DIAPH1: variants seen among roughly 807,000 people sequenced by gnomAD.
DIAPH1 encodes protein diaphanous homolog 1.
Under a neutral mutation model 140.7 loss-of-function variants are expected in DIAPH1, and 46 were observed. The observed-to-expected ratio is 0.33, with a 90% CI of 0.26 to 0.42. The LOEUF is 0.42. Ranked by LOEUF, DIAPH1 falls within the 10% of genes least tolerant of loss-of-function variation. DIAPH1 has a pLI of 1.00. For synonymous variants in DIAPH1, 565 were observed against 551.6 expected, an observed-to-expected ratio of 1.02 and a Z score of -0.34; for missense variants, 1,310 against 1,558.7, an observed-to-expected ratio of 0.84 and a Z score of 2.69.
rs777873912 is a variant in DIAPH1 at position 141,578,568 on chromosome 5, G to A, written c.991C>T (p.Arg331Ter). The A allele has an allele frequency of 3.1e-6, 5 of 1,613,772 alleles. No individual in the cohort carries two copies. Among genetic ancestry groups the A allele is most frequent in the Admixed American group, 1.7e-5 (1 of 59,996 alleles). ...LITPAEELDFRVHIRSELMRL... is the reference protein window; with the variant it reads ...LITPAEELDF ...ATCAGTTCACTTCTGATGTGAACTC[G>A]GAAGTCAAGTTCCTCCGCTGGTGTG... Residue 331 changes from arginine (R) to a stop codon, truncating the protein, a stop_gained, in exon 10 of 28, where the codon CGA (arginine) becomes TGA (stop). Transcript: ENST00000389054. LOFTEE classifies it high-confidence loss of function.
At chr5:141,588,197 T>C (rs1203875718) in intron 2 of DIAPH1, 27 bp downstream of exon 2, 16 of 1,597,912 alleles carry the variant, frequency 1.0e-5, no homozygotes, top group East Asian at 8.9e-5. Flanking sequence ...AGCTAGAACA[T>C]GCACATGCTA....
chr5:141,543,123 CA>C (rs566526373), intron 18 of DIAPH1, among the ~76,000 whole-genome samples: 24 of 150,822 alleles, frequency 1.6e-4, no homozygotes, highest in Non-Finnish European at 2.4e-4. Flanking sequence ...TTATAATAGC[CA>C]AAAAGTGGAA....
chr5:141,581,812 T>G (rs1226718193), intron 7 of DIAPH1: 2 of 153,674 alleles, frequency 1.3e-5, no homozygotes, highest in Non-Finnish European at 2.9e-5. Context: ...CCCAGCACTT[T>G]GGGAGGCCAA....
chr5:141,564,885 G>A (rs1198932454), intron 18 of DIAPH1: 1 of 152,170 alleles, frequency 6.6e-6, no homozygotes, highest in East Asian at 1.9e-4. Flanking sequence ...AATCTTATTA[G>A]TGGTCAGACT....
chr5:141,584,537 C>T (rs562989105), intron 3 of DIAPH1, among the ~76,000 whole-genome samples: 1 of 152,250 alleles, frequency 6.6e-6, no homozygotes, highest in South Asian at 2.1e-4. Context: ...CTTTCTGCAT[C>T]AAGGATGGAC....
At chr5:141,564,152 C>A (rs998361798) in intron 18 of DIAPH1, 3 of 152,182 alleles carry the variant, frequency 2.0e-5, no homozygotes, top group African/African-American at 7.2e-5. Flanking sequence ...CCAAAAAGAA[C>A]ACGAATATTG....
In DIAPH1 at chr5:141,516,704, G is replaced by T; in HGVS notation, c.*147C>A. On this transcript the variant is annotated 3_prime_UTR_variant, in exon 28 of 28. Coordinates refer to ENST00000389054, the MANE Select transcript of DIAPH1 (RefSeq NM_005219.5). ...CAGCTGAAGCTGTATGTGATGTTGA[G>T]AGAGCAGCAGGCCAGAGAGAAAGAC... 1 of 871,216 alleles carries T rather than the reference G, an allele frequency of 1.1e-6. No homozygotes were observed. The highest frequency in any genetic ancestry group is 1.8e-6 in the Non-Finnish European group (1 of 544,774). 54.0% of individuals were successfully genotyped at this position (871,216 alleles called of 1,614,324 possible).
At chr5:141,537,222 G>A (rs1189926161) in intron 18 of DIAPH1, among the ~76,000 whole-genome samples, 3 of 152,098 alleles carry the variant, frequency 2.0e-5, no homozygotes, top group Admixed American at 6.6e-5. Context: ...GGTGGCTCAT[G>A]CTTGTAATCC....
chr5:141,519,731 G>GT (rs2099886229), intron 27 of DIAPH1, among the ~76,000 whole-genome samples: 1 of 152,184 alleles, frequency 6.6e-6, no homozygotes, highest in Non-Finnish European at 1.5e-5. Flanking sequence ...TTGGCCTAAG[G>GT]TCAGGGGATG....
At chr5:141,575,401 C>T (rs1486139840) in intron 14 of DIAPH1, among the ~76,000 whole-genome samples, 1 of 152,200 alleles carries the variant, frequency 6.6e-6, no homozygotes, top group Non-Finnish European at 1.5e-5. Context: ...GTAATCCCAG[C>T]ACTTCGGGAG....
chr5:141,534,213 T>C, intron 19 of DIAPH1, 122 bp downstream of exon 19: 1 of 768,936 alleles, frequency 1.3e-6, no homozygotes, highest in Admixed American at 2.0e-5. Context: ...GTGCAATGGT[T>C]GGTATATAGC....
intron 1 of DIAPH1, chr5:141,589,236 C>A: frequency 6.5e-6 from 1 of 152,860 alleles, no homozygotes; most frequent in South Asian, 2.0e-4. Flanking sequence ...TCCTGAAATC[C>A]CATAAGGCCA....
In DIAPH1 at chr5:141,577,566, G is replaced by C; in HGVS notation, c.1189C>G (p.Leu397Val). The C allele has an allele frequency of 6.2e-7, 1 of 1,612,074 alleles. No homozygotes were observed. Among genetic ancestry groups the C allele is most frequent in the African/African-American group, 1.3e-5 (1 of 75,022 alleles). ...MDDFNEVFQI[L>V]LNTVKDSKAE... ...TTTGAATCCTTCACTGTGTTTAAGA[G>C]AATCTGAAAGACTTCATTAAAGTCA... Residue 397 changes from leucine to valine, a missense_variant, in exon 12 of 28, where the codon CTC (leucine) becomes GTC (valine). Leu to Val is a conservative substitution (Grantham distance 32). Transcript: ENST00000389054.
chr5:141,516,201 G>A lies in DIAPH1; in HGVS notation c.*650C>T. 6.2e-6 allele frequency: 1 copy of A among 160,376 alleles called. No homozygotes were observed. Among genetic ancestry groups the A allele is most frequent in the Non-Finnish European group, 1.4e-5 (1 of 72,224 alleles). The allele number at this position is 160,376 out of a possible 1,614,324, so 9.9% of individuals were successfully genotyped here. ...CTATGCCCTGCCTGCCTGCCCACAG[G>A]CTCTGGCCTGGGCCACAGCACAGCA... On this transcript the variant is annotated 3_prime_UTR_variant, in exon 28 of 28. Transcript: ENST00000389054.
At chr5:141,593,155 A>G (rs981374797) in intron 1 of DIAPH1, among the ~76,000 whole-genome samples, 2 of 152,216 alleles carry the variant, frequency 1.3e-5, no homozygotes, top group African/African-American at 4.8e-5. Flanking sequence ...AGGCTTAGGA[A>G]TAATTGGCAC....
intron 1 of DIAPH1, among the ~76,000 whole-genome samples, chr5:141,588,742 T>C (rs893700346): frequency 3.3e-5 from 5 of 152,180 alleles, no homozygotes; most frequent in South Asian, 2.1e-4. Context: ...AATATGCACA[T>C]GTACTACAAC....
chr5:141,529,802 G>C, intron 19 of DIAPH1, 105 bp from the exon 20 acceptor site: 1 of 1,017,626 alleles, frequency 9.8e-7, no homozygotes, highest in South Asian at 1.3e-5. Context: ...GGCTCTTTTA[G>C]GCCAGGCACA....
intron 19 of DIAPH1, among the ~76,000 whole-genome samples, chr5:141,531,432 T>C (rs954203530): frequency 6.6e-6 from 1 of 151,900 alleles, no homozygotes; most frequent in African/African-American, 2.4e-5. Flanking sequence ...CCCACCTCAG[T>C]CTCCCAAGTG....
chr5:141,523,849 A>G (rs946000316), intron 27 of DIAPH1, among the ~76,000 whole-genome samples: 1 of 151,696 alleles, frequency 6.6e-6, no homozygotes, highest in African/African-American at 2.4e-5. Context: ...CACAAATGCC[A>G]ACTCAAATCC....
Sources: allele counts gnomAD v4.1 joint callset (sites outside exome capture counted in the v4.1 genomes callset), GRCh38; gene constraint gnomAD v4.1.1; transcripts MANE v1.5; gene names NCBI Gene and HGNC (gene_info 2026-07-23, HGNC 2026-07-21).